C12orf42: variants seen among roughly 807,000 people sequenced by gnomAD.
C12orf42 encodes the protein chromosome 12 open reading frame 42.
In C12orf42, 25 loss-of-function variants were observed where a neutral mutation model predicts 21.6. The observed-to-expected ratio is 1.16, with a 90% CI of 0.84 to 1.62. The LOEUF is 1.62. C12orf42 is among the 40% of genes most tolerant of loss of function. C12orf42 has a pLI of 0.00. For synonymous variants in C12orf42, 174 were observed against 175.0 expected (o/e 0.99, Z 0.05); for missense variants, 483 against 459.3 (o/e 1.05, Z -0.47).
chr12:103,162,128 T>A, the C12orf42 span, among the ~76,000 whole-genome samples: 1 of 152,194 alleles, frequency 6.6e-6, no homozygotes, highest in Admixed American at 6.5e-5. Flanking sequence ...AGATTGATGA[T>A]CCTCATTCTA....
At chr12:103,485,956 C>A (rs979533790) in intron 1 of C12orf42, among the ~76,000 whole-genome samples, 1 of 152,128 alleles carries the variant, frequency 6.6e-6, no homozygotes, top group African/African-American at 2.4e-5. Flanking sequence ...TAATTGCATA[C>A]CCTTTATTTC....
At chr12:103,522,320 A>T in the C12orf42 span, among the ~76,000 whole-genome samples, 27 of 152,170 alleles carry the variant, frequency 1.8e-4, no homozygotes, top group East Asian at 3.5e-3. Flanking sequence ...GCCATGTGGA[A>T]CTGTGAGTCC....
At chr12:103,181,209 C>T in the C12orf42 span, among the ~76,000 whole-genome samples, 1 of 151,622 alleles carries the variant, frequency 6.6e-6, no homozygotes, top group East Asian at 2.0e-4. Flanking sequence ...TTGCAGTCAG[C>T]CAAGAATGTG....
At chr12:103,158,873 C>CT in the C12orf42 span, among the ~76,000 whole-genome samples, 5 of 109,778 alleles carry the variant, frequency 4.6e-5, no homozygotes, top group Non-Finnish European at 8.4e-5. Flanking sequence ...GAGCAAGACT[C>CT]AAAAAAAAAA....
chr12:103,493,282 C>A (rs905808188), intron 1 of C12orf42, among the ~76,000 whole-genome samples: 2 of 152,336 alleles, frequency 1.3e-5, no homozygotes, highest in African/African-American at 4.8e-5. Flanking sequence ...CAAACCTCAT[C>A]TTGCAATATT....
chr12:103,340,838 G>A (rs1287091969), intron 4 of C12orf42, among the ~76,000 whole-genome samples: 1 of 152,218 alleles, frequency 6.6e-6, no homozygotes, highest in African/African-American at 2.4e-5. Context: ...AATAGGCTGG[G>A]CGCAGTGGCT....
At chr12:103,423,736 TC>T (rs1291681136) in intron 2 of C12orf42, among the ~76,000 whole-genome samples, 1 of 152,118 alleles carries the variant, frequency 6.6e-6, no homozygotes, top group Non-Finnish European at 1.5e-5. Context: ...AATACTTTTT[TC>T]CCCCAAGTTG....
At chr12:103,274,698 T>G (rs2035663007) in intron 5 of C12orf42, among the ~76,000 whole-genome samples, 1 of 152,208 alleles carries the variant, frequency 6.6e-6, no homozygotes, top group Admixed American at 6.5e-5. Context: ...TTAAACCTTA[T>G]TTTCATATTT....
chr12:103,160,594 AT>A, the C12orf42 span, among the ~76,000 whole-genome samples: 2 of 152,178 alleles, frequency 1.3e-5, no homozygotes, highest in Non-Finnish European at 2.9e-5. Flanking sequence ...GACTACAGCA[AT>A]TGCAGGCTGT....
At chr12:103,066,121 T>C in the C12orf42 span, among the ~76,000 whole-genome samples, 1 of 152,170 alleles carries the variant, frequency 6.6e-6, no homozygotes. Flanking sequence ...GATAACTACT[T>C]TCCTTTTGAG....
rs138025364 is a variant in C12orf42 at position 103,431,950 on chromosome 12, G to A, written c.79-30275C>T. Among the ~76,000 whole-genome samples the A allele has an allele frequency of 3.5e-3, 540 of 152,292 alleles. 6 individuals carry two copies. The highest frequency in any genetic ancestry group is 0.012 in the African/African-American group (505 of 41,562). On this transcript the variant is annotated intron_variant, in intron 2 of 5. Transcript: ENST00000548883. ...ATTTTGAAAACTTTAGCGCAGGAATGAAAGGAGTACAGTACACTTCGAAGA... is the reference window on the plus strand; with the variant it reads ...ATTTTGAAAACTTTAGCGCAGGAATAAAAGGAGTACAGTACACTTCGAAGA...
At chr12:103,479,889 T>C (rs1035587798) in intron 1 of C12orf42, among the ~76,000 whole-genome samples, 4 of 152,040 alleles carry the variant, frequency 2.6e-5, no homozygotes, top group Admixed American at 2.0e-4. Context: ...TGATCACAAG[T>C]GAAATTGCCT....
chr12:103,093,843 A>G, the C12orf42 span, among the ~76,000 whole-genome samples: 1 of 152,134 alleles, frequency 6.6e-6, no homozygotes, highest in African/African-American at 2.4e-5. Flanking sequence ...GTGACTCAAG[A>G]CTTAGATGTC....
At chr12:103,132,614 C>A in the C12orf42 span, among the ~76,000 whole-genome samples, 2 of 152,228 alleles carry the variant, frequency 1.3e-5, no homozygotes, top group Non-Finnish European at 2.9e-5. Context: ...TACAACAGCA[C>A]CTGCATCTCC....
At chr12:103,278,704 C>T (rs73385672) in intron 4 of C12orf42, among the ~76,000 whole-genome samples, 1,792 of 152,312 alleles carry the variant, frequency 0.012, 12 homozygotes, top group Middle Eastern at 0.031. Flanking sequence ...TTAATAGCAA[C>T]GTGGACATTT....
At chr12:103,340,005 T>C (rs1237329397) in intron 4 of C12orf42, among the ~76,000 whole-genome samples, 1 of 152,144 alleles carries the variant, frequency 6.6e-6, no homozygotes, top group Non-Finnish European at 1.5e-5. Flanking sequence ...CCCAGAAAGA[T>C]GGGAGAAAAC....
At chr12:103,348,084 A>G (rs1303260553) in intron 4 of C12orf42, among the ~76,000 whole-genome samples, 2 of 152,162 alleles carry the variant, frequency 1.3e-5, no homozygotes, top group African/African-American at 4.8e-5. Flanking sequence ...CAAAATAAAA[A>G]CAAAAAATCA....
the C12orf42 span, among the ~76,000 whole-genome samples, chr12:103,184,210 C>T: frequency 6.6e-6 from 1 of 152,144 alleles, no homozygotes; most frequent in Non-Finnish European, 1.5e-5. Context: ...TCAATTTTTG[C>T]TTCACATCTT....
intron 3 of C12orf42, among the ~76,000 whole-genome samples, chr12:103,374,189 T>C (rs1334227322): frequency 6.6e-6 from 1 of 152,190 alleles, no homozygotes; most frequent in Non-Finnish European, 1.5e-5. Context: ...TTTTCACTTT[T>C]GTCACTTTTC....
Sources: gnomAD v4.1 joint callset for allele counts (sites outside exome capture counted in the v4.1 genomes callset) on GRCh38, gnomAD v4.1.1 for gene constraint, MANE v1.5 for transcripts, NCBI Gene and HGNC (gene_info 2026-07-23, HGNC 2026-07-21) for gene names.